Variants in ATXN7L1 observed in about 807,000 individuals in gnomAD.
The protein encoded by ATXN7L1 is ataxin 7 like 1.
ATXN7L1 carries 15 observed loss-of-function variants against 70.8 expected under a neutral mutation model. The ratio of observed to expected loss-of-function variants is 0.21; its 90% CI spans 0.14 to 0.33. The LOEUF (loss-of-function observed/expected upper bound fraction) is 0.33, where lower values mean the gene tolerates loss of function less well. Among genes scored for constraint, ATXN7L1 ranks in the 10% least tolerant of loss-of-function variants. ATXN7L1 has a pLI of 1.00. For missense variants in ATXN7L1, 975 were observed against 1,097.1 expected (o/e 0.89, Z 1.57); for synonymous variants, 440 against 445.1 (o/e 0.99, Z 0.14).
chr7:105,738,497 C>T (rs1797661046), intron 3 of ATXN7L1, among the ~76,000 whole-genome samples: 1 of 152,240 alleles, frequency 6.6e-6, no homozygotes, highest in Non-Finnish European at 1.5e-5. Flanking sequence ...CTAAATCACA[C>T]TAGCACTCAC....
chr7:105,844,251 T>C (rs919627173), intron 2 of ATXN7L1, among the ~76,000 whole-genome samples: 3 of 152,302 alleles, frequency 2.0e-5, no homozygotes, highest in South Asian at 2.1e-4. Flanking sequence ...CTCCAACTCT[T>C]TGAGGCTAGT....
intron 3 of ATXN7L1, among the ~76,000 whole-genome samples, chr7:105,729,556 C>T (rs986629174): frequency 3.3e-5 from 5 of 150,508 alleles, no homozygotes; most frequent in African/African-American, 7.3e-5. Flanking sequence ...TAGCCTCCCA[C>T]GTAGTTAGGA....
intron 3 of ATXN7L1, among the ~76,000 whole-genome samples, chr7:105,759,264 G>C (rs1369585041): frequency 6.7e-6 from 1 of 148,488 alleles, no homozygotes; most frequent in Non-Finnish European, 1.5e-5. Flanking sequence ...TATTCATTAT[G>C]TCTTCCTTCT....
chr7:105,734,723 C>T (rs527318125), intron 3 of ATXN7L1, among the ~76,000 whole-genome samples: 135 of 151,574 alleles, frequency 8.9e-4, no homozygotes, highest in Non-Finnish European at 1.6e-3. Context: ...TGAATGTTGA[C>T]ATGTAAACAT....
intron 2 of ATXN7L1, among the ~76,000 whole-genome samples, chr7:105,797,438 AG>A (rs1322938344): frequency 2.0e-5 from 3 of 152,162 alleles, no homozygotes; most frequent in Non-Finnish European, 4.4e-5. Context: ...AGATGTATGG[AG>A]GCGAAGGGGC....
At chr7:105,617,851 G>GA (rs1562896639) in intron 9 of ATXN7L1, 1 of 441,178 alleles carries the variant, frequency 2.3e-6, no homozygotes, top group Non-Finnish European at 4.6e-6. Flanking sequence ...GCTTGTTAAA[G>GA]AAAAAAGAGT....
intron 2 of ATXN7L1, among the ~76,000 whole-genome samples, chr7:105,824,779 G>A (rs1448059056): frequency 6.6e-6 from 1 of 151,048 alleles, no homozygotes; most frequent in East Asian, 1.9e-4. Flanking sequence ...AAATTAAAAG[G>A]GCCCACCAGT....
intron 3 of ATXN7L1, among the ~76,000 whole-genome samples, chr7:105,719,955 C>T (rs1794995871): frequency 6.6e-6 from 1 of 152,248 alleles, no homozygotes; most frequent in Admixed American, 6.5e-5. Flanking sequence ...CGTGACCCCA[C>T]TTTGGATTCT....
intron 4 of ATXN7L1, among the ~76,000 whole-genome samples, chr7:105,645,448 G>A (rs1248183155): frequency 6.6e-6 from 1 of 151,672 alleles, no homozygotes; most frequent in Admixed American, 6.6e-5. Context: ...GATCACCTGA[G>A]GTCAGGAGTT....
At chr7:105,674,767 TC>T (rs1225202395) in intron 3 of ATXN7L1, among the ~76,000 whole-genome samples, 48 of 152,316 alleles carry the variant, frequency 3.2e-4, no homozygotes, top group African/African-American at 1.1e-3. Context: ...CCCTTCCTCC[TC>T]CTCTTCTATT....
At chr7:105,642,221 A>T (rs568470211) in intron 5 of ATXN7L1, among the ~76,000 whole-genome samples, 2 of 152,326 alleles carry the variant, frequency 1.3e-5, no homozygotes, top group South Asian at 4.1e-4. Flanking sequence ...TGCTCAGACA[A>T]CCAAGGAGTA....
At chr7:105,616,195 C>G (rs1384978062) in intron 9 of ATXN7L1, among the ~76,000 whole-genome samples, 1 of 152,168 alleles carries the variant, frequency 6.6e-6, no homozygotes, top group East Asian at 1.9e-4. Context: ...AGGCCCAGAG[C>G]CTGTGCCCCA....
chr7:105,638,271 T>A, intron 7 of ATXN7L1, 82 bp downstream of exon 7: 4 of 1,435,888 alleles, frequency 2.8e-6, no homozygotes, highest in Non-Finnish European at 3.7e-6. Flanking sequence ...ATTTAACATA[T>A]AATCAGACCA....
intron 3 of ATXN7L1, among the ~76,000 whole-genome samples, chr7:105,701,548 G>GA (rs1792457530): frequency 6.6e-6 from 1 of 151,882 alleles, no homozygotes; most frequent in Non-Finnish European, 1.5e-5. Flanking sequence ...TTTTAACTTT[G>GA]AAAAAAATAA....
intron 3 of ATXN7L1, among the ~76,000 whole-genome samples, chr7:105,777,613 T>C (rs1802914226): frequency 6.6e-6 from 1 of 152,228 alleles, no homozygotes; most frequent in African/African-American, 2.4e-5. Flanking sequence ...TTCTGTCAGC[T>C]ACATTTCCAA....
At chr7:105,823,417 C>A (rs1810431427) in intron 2 of ATXN7L1, among the ~76,000 whole-genome samples, 1 of 152,154 alleles carries the variant, frequency 6.6e-6, no homozygotes, top group Non-Finnish European at 1.5e-5. Context: ...GTTCTTGAAT[C>A]GTAACAGGCC....
intron 3 of ATXN7L1, among the ~76,000 whole-genome samples, chr7:105,754,330 C>G (rs943033025): frequency 3.2e-4 from 48 of 152,224 alleles, no homozygotes; most frequent in African/African-American, 1.1e-3. Context: ...TCTGCACTAT[C>G]TCTTTTGCTT....
intron 4 of ATXN7L1, among the ~76,000 whole-genome samples, chr7:105,643,536 G>A (rs79798263): frequency 2.6e-5 from 4 of 152,178 alleles, no homozygotes; most frequent in East Asian, 1.9e-4. Context: ...CCCTCCCCCC[G>A]CTGCTCAGCT....
intron 3 of ATXN7L1, among the ~76,000 whole-genome samples, chr7:105,783,610 C>T (rs1185501058): frequency 6.6e-6 from 1 of 152,224 alleles, no homozygotes; most frequent in African/African-American, 2.4e-5. Context: ...TGGGTACACA[C>T]ATCCACATGC....
Sources: gnomAD v4.1 joint callset for allele counts (sites outside exome capture counted in the v4.1 genomes callset) on GRCh38, gnomAD v4.1.1 for gene constraint, MANE v1.5 for transcripts, NCBI Gene and HGNC (gene_info 2026-07-23, HGNC 2026-07-21) for gene names.